The following RSPH14 variants were observed in gnomAD, a reference collection of about 807,000 sequenced individuals.
RSPH14 encodes rhabdoid tumor deletion region gene 1.
Under a neutral mutation model 26.7 loss-of-function variants are expected in RSPH14, and 20 were observed. The ratio of observed to expected loss-of-function variants is 0.75; its 90% CI spans 0.53 to 1.09. The LOEUF (loss-of-function observed/expected upper bound fraction) is 1.09, where lower values mean the gene tolerates loss of function less well. Ranked by LOEUF, RSPH14 falls within the 50% of genes least tolerant of loss-of-function variation. The pLI is 0.00. For missense variants in RSPH14, 449 were observed against 457.2 expected (o/e 0.98, Z 0.16); for synonymous variants, 177 against 189.3 (o/e 0.93, Z 0.53).
chr22:23,065,302 G>A (rs1203641834), intron 4 of RSPH14, among the ~76,000 whole-genome samples: 1 of 151,982 alleles, frequency 6.6e-6, no homozygotes, highest in African/African-American at 2.4e-5. Flanking sequence ...GGTGCTGAGT[G>A]GCTCTTACCG....
At chr22:23,100,235 A>G (rs774743404) in intron 4 of RSPH14, among the ~76,000 whole-genome samples, 1 of 152,198 alleles carries the variant, frequency 6.6e-6, no homozygotes, top group Non-Finnish European at 1.5e-5. Context: ...CTTCATTTCC[A>G]CAAAGCCTCT....
At chr22:23,092,384 G>A (rs901366009) in intron 4 of RSPH14, among the ~76,000 whole-genome samples, 13 of 152,102 alleles carry the variant, frequency 8.5e-5, no homozygotes, top group Admixed American at 4.6e-4. Flanking sequence ...TGCACAGGGC[G>A]CTCATACCCC....
At chr22:23,153,096 G>A in the RSPH14 span, 1 of 1,614,138 alleles carries the variant, frequency 6.2e-7, no homozygotes, top group Non-Finnish European at 8.5e-7. Context: ...TTGAAATTGA[G>A]CGCTTTGAGA....
intron 6 of RSPH14, among the ~76,000 whole-genome samples, chr22:23,060,673 C>T (rs565964647): frequency 7.9e-5 from 12 of 152,272 alleles, no homozygotes; most frequent in African/African-American, 2.6e-4. Context: ...AGCCTGGGCC[C>T]TGCCAACTCC....
chr22:23,060,605 C>A (rs1187105300), intron 6 of RSPH14, among the ~76,000 whole-genome samples: 1 of 152,216 alleles, frequency 6.6e-6, no homozygotes, highest in Non-Finnish European at 1.5e-5. Context: ...GCTGTCCTTG[C>A]CGGCCCTATG....
the RSPH14 span, among the ~76,000 whole-genome samples, chr22:23,177,967 T>G: frequency 6.6e-6 from 1 of 152,156 alleles, no homozygotes; most frequent in African/African-American, 2.4e-5. Flanking sequence ...GCCAGGCTAA[T>G]TTTTAAATTT....
chr22:23,178,725 A>G, the RSPH14 span, among the ~76,000 whole-genome samples: 2 of 152,208 alleles, frequency 1.3e-5, no homozygotes, highest in African/African-American at 4.8e-5. Flanking sequence ...TTAACAGGCA[A>G]TCACGAAATC....
intron 4 of RSPH14, among the ~76,000 whole-genome samples, chr22:23,089,572 A>G (rs956977471): frequency 2.6e-5 from 4 of 152,132 alleles, no homozygotes; most frequent in African/African-American, 9.7e-5. Context: ...CTCCATGACC[A>G]TGTACCCATC....
intron 4 of RSPH14, among the ~76,000 whole-genome samples, chr22:23,086,869 C>G (rs998009489): frequency 6.6e-6 from 1 of 152,186 alleles, no homozygotes; most frequent in Non-Finnish European, 1.5e-5. Context: ...TCCTCAGCAA[C>G]AGAGAGCTGC....
intron 4 of RSPH14, among the ~76,000 whole-genome samples, chr22:23,102,242 G>A (rs1361021232): frequency 2.6e-5 from 4 of 152,202 alleles, no homozygotes; most frequent in Admixed American, 1.3e-4. Context: ...GTATCTGCTC[G>A]CCTAGGGTCC....
chr22:23,124,387 G>A, intron 4 of RSPH14: 2 of 469,282 alleles, frequency 4.3e-6, no homozygotes, highest in South Asian at 3.1e-5. Flanking sequence ...TGGACGATCT[G>A]TCTCTCTGCT....
chr22:23,136,057 C>A (rs919925688), intron 3 of RSPH14: 1 of 382,304 alleles, frequency 2.6e-6, no homozygotes, highest in African/African-American at 2.1e-5. Flanking sequence ...AAAAGAAAGT[C>A]ACCGTTGGAC....
intron 4 of RSPH14, among the ~76,000 whole-genome samples, chr22:23,093,910 G>A (rs531075730): frequency 1.3e-5 from 2 of 152,336 alleles, no homozygotes; most frequent in Admixed American, 6.5e-5. Context: ...CCCACCAGGG[G>A]CCTGCTTCAA....
chr22:23,103,846 T>A, intron 4 of RSPH14, among the ~76,000 whole-genome samples: 1 of 152,200 alleles, frequency 6.6e-6, no homozygotes, highest in Non-Finnish European at 1.5e-5. Flanking sequence ...CTGGAGGACC[T>A]GTGTAGCCAG....
chr22:23,138,313 G>C (rs1297447172), intron 3 of RSPH14, among the ~76,000 whole-genome samples: 2 of 152,198 alleles, frequency 1.3e-5, no homozygotes, highest in African/African-American at 4.8e-5. Context: ...TGTAATCCCA[G>C]CATTTTAGGA....
the RSPH14 span, chr22:23,150,028 C>T: frequency 6.6e-7 from 1 of 1,522,746 alleles, no homozygotes; most frequent in Non-Finnish European, 9.0e-7. Context: ...CACAGCTTTG[C>T]AGGATGATGT....
At chr22:23,177,976 T>A in the RSPH14 span, among the ~76,000 whole-genome samples, 1 of 152,150 alleles carries the variant, frequency 6.6e-6, no homozygotes, top group East Asian at 1.9e-4. Context: ...ATTTTTAAAT[T>A]TTTTTGTAGA....
At chr22:23,171,739 G>C in the RSPH14 span, among the ~76,000 whole-genome samples, 2 of 151,440 alleles carry the variant, frequency 1.3e-5, no homozygotes, top group Non-Finnish European at 2.9e-5. Flanking sequence ...CTACTCGGGA[G>C]GCTGAGGCAA....
At chr22:23,085,197 G>A (rs1392262925) in intron 4 of RSPH14, among the ~76,000 whole-genome samples, 2 of 152,192 alleles carry the variant, frequency 1.3e-5, no homozygotes, top group Admixed American at 1.3e-4. Context: ...GATGTCCTCA[G>A]CGATTCCTCA....
Sources: allele counts gnomAD v4.1 joint callset (sites outside exome capture counted in the v4.1 genomes callset), GRCh38; gene constraint gnomAD v4.1.1; transcripts MANE v1.5; gene names NCBI Gene and HGNC (gene_info 2026-07-23, HGNC 2026-07-21).